ANKRD31: variants seen among roughly 807,000 people sequenced by gnomAD.
The protein encoded by ANKRD31 is ankyrin repeat domain 31.
Under a neutral mutation model 186.0 loss-of-function variants are expected in ANKRD31, and 147 were observed. The observed-to-expected ratio is 0.79, with a 90% confidence interval of 0.69 to 0.91. The LOEUF is 0.91. Among genes scored for constraint, ANKRD31 ranks in the 40% least tolerant of loss-of-function variants. The pLI is 0.00. For missense variants in ANKRD31, 1,986 were observed against 2,148.8 expected (o/e 0.92, Z 1.50); for synonymous variants, 673 against 736.4 (o/e 0.91, Z 1.39).
intron 2 of ANKRD31, among the ~76,000 whole-genome samples, chr5:75,224,663 T>C (rs1757531187): frequency 6.6e-6 from 1 of 152,152 alleles, no homozygotes; most frequent in Non-Finnish European, 1.5e-5. Context: ...ATTAAAAATA[T>C]AAAAGCTATA....
rs1318739799 is a variant in ANKRD31, at chr5:75,068,585, A to G, written c.5727T>C (p.Phe1909=). The part of the protein sequence containing the change: ...NEILLISDQE[F]LPCHIMDQHW... ...GCTGATCCATTATGTGGCATGGGAG[A>G]AATTCTTGATCACTGATTAATAGTA... Residue 1909 remains phenylalanine, a synonymous_variant, in exon 26 of 26, where the codon TTT becomes TTC. Transcript: ENST00000506364. 9.8e-6 allele frequency: 15 copies of G among 1,526,994 alleles called. No homozygotes were observed. Among genetic ancestry groups the G allele is most frequent in the Non-Finnish European group, 1.3e-5 (15 of 1,142,748 alleles). The allele number at this position is 1,526,994 out of a possible 1,614,324, so 94.6% of individuals were successfully genotyped here.
chr5:75,210,174 G>T (rs1447744779), intron 4 of ANKRD31, among the ~76,000 whole-genome samples: 1 of 151,658 alleles, frequency 6.6e-6, no homozygotes, highest in Non-Finnish European at 1.5e-5. Flanking sequence ...TTGCTTTCTT[G>T]CTTTCTTTCT....
At chr5:75,137,713 A>G (rs1017785011) in intron 17 of ANKRD31, 143 bp downstream of exon 17, 2 of 678,900 alleles carry the variant, frequency 2.9e-6, no homozygotes, top group East Asian at 5.9e-5. Context: ...ATATTATTGT[A>G]TCTTCATTTG....
At position 75,105,114 on chromosome 5, in the gene ANKRD31, A is replaced by G. The variant is rs1415309990; in HGVS notation, c.4445T>C (p.Ile1482Thr). ...CCTACAGTTTTGAATTTTCAGGCTTATTTTTTTCTGTTTTTTTGCCACAAC... is the reference window on the plus strand; with the variant it reads ...CCTACAGTTTTGAATTTTCAGGCTTGTTTTTTTCTGTTTTTTTGCCACAAC... ...LLVVAKKQKK[I>T]SLKIQNCRNV... The change falls in exon 22 of 26, where the codon ATA (isoleucine) becomes ACA (threonine). Residue 1482 changes from isoleucine (I) to threonine (T), a missense_variant. Transcript: ENST00000506364. The G allele has an allele frequency of 2.0e-6, 3 of 1,536,406 alleles. No homozygotes were observed. The African/African-American group carries it at 4.1e-5, about 21-fold the overall frequency.
chr5:75,231,389 A>G (rs975203343), intron 1 of ANKRD31, among the ~76,000 whole-genome samples: 2 of 152,006 alleles, frequency 1.3e-5, no homozygotes, highest in Admixed American at 1.3e-4. Context: ...AATTCCTTTA[A>G]TTTTTGGATT....
intron 10 of ANKRD31, among the ~76,000 whole-genome samples, chr5:75,178,426 T>C (rs1381690317): frequency 1.3e-5 from 2 of 152,194 alleles, no homozygotes; most frequent in Non-Finnish European, 2.9e-5. Context: ...ATCATTAGAA[T>C]ATACATTCTT....
chr5:75,203,662 CAAAA>C lies in ANKRD31; in HGVS notation c.403+2745_403+2748del, dbSNP rs112986947. ...TGGGCGAAAGAGAGAGGATCCATCTCAAAAAAAAAAAAAAAGAAAAGAAAAGAAA... is the reference window on the plus strand; with the variant it reads ...TGGGCGAAAGAGAGAGGATCCATCTCAAAAAAAAAAAGAAAAGAAAAGAAA... On this transcript the variant is annotated intron_variant, in intron 5 of 25. Transcript: ENST00000506364. Among the ~76,000 whole-genome samples, 3 of 99,122 alleles carry C rather than the reference CAAAA, an allele frequency of 3.0e-5. No homozygotes were observed. The East Asian group carries it at 8.2e-4, about 27-fold the overall frequency. 65.0% of individuals were successfully genotyped at this position (99,122 alleles called of 152,430 possible).
intron 25 of ANKRD31, among the ~76,000 whole-genome samples, chr5:75,077,832 G>A (rs942294104): frequency 6.6e-6 from 1 of 151,422 alleles, no homozygotes; most frequent in Non-Finnish European, 1.5e-5. Context: ...GGCTGAGGCA[G>A]GAGAGTGGCA....
chr5:75,154,031 C>T (rs1314328773), intron 12 of ANKRD31, among the ~76,000 whole-genome samples, 170 bp downstream of exon 12: 1 of 151,994 alleles, frequency 6.6e-6, no homozygotes, highest in Non-Finnish European at 1.5e-5. Flanking sequence ...GTCCTATGTG[C>T]ATTTGCAAAC....
At chr5:75,216,821 A>T (rs1237417522) in intron 3 of ANKRD31, among the ~76,000 whole-genome samples, 1 of 152,072 alleles carries the variant, frequency 6.6e-6, no homozygotes, top group Non-Finnish European at 1.5e-5. Flanking sequence ...TTACTTTAAA[A>T]AAAAATTGAG....
At chr5:75,074,573 ATAATCCCCAACTGAGCCAAATAGGC>A (rs1417317570) in intron 25 of ANKRD31, among the ~76,000 whole-genome samples, 1 of 152,234 alleles carries the variant, frequency 6.6e-6, no homozygotes, top group Non-Finnish European at 1.5e-5. Flanking sequence ...GCCGACTAGG[ATAATCCCCAACTGAGCCAAATAGGC>A]TAATCCCCAT....
Position 75,146,143 on chromosome 5 carries a change from T to C in ANKRD31, c.3268A>G (p.Ile1090Val). 2 of 1,536,168 alleles carry C rather than the reference T, an allele frequency of 1.3e-6. No individual in the cohort carries two copies. The highest frequency in any genetic ancestry group is 8.7e-7 in the Non-Finnish European group (1 of 1,146,302). The change falls in exon 14 of 26, where the codon ATA becomes GTA. Residue 1090 changes from isoleucine (I) to valine (V), a missense_variant. Transcript: ENST00000506364. ...PLSIVAHSQV[I>V]ETTKVEKRRQ... ...CTTTTTTCAACTTTAGTTGTTTCTA[T>C]TACTTGAGAATGAGCAACTATGGAT...
intron 22 of ANKRD31, among the ~76,000 whole-genome samples, chr5:75,102,693 C>T (rs1747003222): frequency 6.6e-6 from 1 of 152,208 alleles, no homozygotes; most frequent in African/African-American, 2.4e-5. Flanking sequence ...GCTGTGTTAG[C>T]AGTGAGTGAG....
At chr5:75,180,489 C>T (rs1209566387) in intron 10 of ANKRD31, among the ~76,000 whole-genome samples, 1 of 152,152 alleles carries the variant, frequency 6.6e-6, no homozygotes, top group African/African-American at 2.4e-5. Context: ...AAGTATACTA[C>T]AAGGCTACAG....
rs147368115 is a variant in ANKRD31 at position 75,086,887 on chromosome 5, G to A, written c.5473-2513C>T. Among the ~76,000 whole-genome samples, 93 of 151,462 alleles carry A rather than the reference G, an allele frequency of 6.1e-4. 1 individual carries two copies. The highest frequency in any genetic ancestry group is 2.2e-3 in the African/African-American group (89 of 40,814). ...TGTGTGTGTACGCGCACGTGTGCACGCATGTGCATACACACACACATGCAT... is the reference window on the plus strand; with the variant it reads ...TGTGTGTGTACGCGCACGTGTGCACACATGTGCATACACACACACATGCAT... On this transcript the variant is annotated intron_variant, in intron 23 of 25. Coordinates refer to ENST00000506364, the MANE Select transcript of ANKRD31 (RefSeq NM_001372053.1).
At chr5:75,114,736 C>T (rs1277205519) in intron 19 of ANKRD31, among the ~76,000 whole-genome samples, 15 of 152,080 alleles carry the variant, frequency 9.9e-5, no homozygotes, top group Admixed American at 5.2e-4. Flanking sequence ...AACTACAAAC[C>T]GCTGCTCAAC....
intron 12 of ANKRD31, among the ~76,000 whole-genome samples, chr5:75,148,977 A>C (rs1317001204): frequency 6.6e-6 from 1 of 151,868 alleles, no homozygotes; most frequent in African/African-American, 2.4e-5. Context: ...TACTTTTATA[A>C]GGTGAAAAAT....
chr5:75,199,248 C>T (rs1755658278), intron 6 of ANKRD31, among the ~76,000 whole-genome samples: 1 of 152,050 alleles, frequency 6.6e-6, no homozygotes, highest in African/African-American at 2.4e-5. Flanking sequence ...CTGAGGAAAG[C>T]GTGAGTTCAT....
At chr5:75,084,601 A>C (rs949611899) in intron 23 of ANKRD31, among the ~76,000 whole-genome samples, 1 of 152,194 alleles carries the variant, frequency 6.6e-6, no homozygotes, top group Non-Finnish European at 1.5e-5. Flanking sequence ...GGCTGCTTTC[A>C]TGCTATAACA....
Sources: gnomAD v4.1 joint callset for allele counts (sites outside exome capture counted in the v4.1 genomes callset) on GRCh38, gnomAD v4.1.1 for gene constraint, MANE v1.5 for transcripts, NCBI Gene and HGNC (gene_info 2026-07-23, HGNC 2026-07-21) for gene names.